The following MTMR8 variants were observed in gnomAD, a reference collection of about 807,000 sequenced individuals.
MTMR8 encodes the protein myotubularin related protein 8, also known as phosphatidylinositol-3,5-bisphosphate 3-phosphatase MTMR8.
MTMR8 carries 65 observed loss-of-function variants against 39.3 expected under a neutral mutation model. The observed-to-expected ratio is 1.65, with a 90% confidence interval of 1.35 to 2.03. MTMR8 has a LOEUF of 2.03. MTMR8 is among the 30% of genes most tolerant of loss of function. The pLI is 0.00. For missense variants in MTMR8, 777 were observed against 538.9 expected, an observed-to-expected ratio of 1.44 and a Z score of -4.37; for synonymous variants, 245 against 185.2, an observed-to-expected ratio of 1.32 and a Z score of -2.62.
intron 13 of MTMR8, among the ~76,000 whole-genome samples, chrX:64,270,370 G>A (rs758443417): frequency 1.8e-5 from 2 of 112,110 alleles, no homozygotes; most frequent in Non-Finnish European, 3.8e-5. Context: ...TCTTTTCTAA[G>A]AGGTACCTTT....
In MTMR8 at chrX:64,341,412, G is replaced by A. The variant is rs1385558646; in HGVS notation, c.975+2199C>T. On this transcript the variant is annotated intron_variant, in intron 8 of 13. Coordinates refer to ENST00000374852, the MANE Select transcript of MTMR8 (RefSeq NM_017677.4). ...AAGAATCCCTTGAATCCGGTAGGCG[G>A]AGGTTGCAGTGAACCGAGATCGTGC... Among the ~76,000 whole-genome samples the A allele has an allele frequency of 2.9e-5, 3 of 104,972 alleles. No individual in the cohort carries two copies. In the Admixed American group the frequency reaches 3.1e-4, roughly 11 times the overall value. The allele number at this position is 104,972 out of a possible 115,157, so 91.2% of individuals were successfully genotyped here.
intron 12 of MTMR8, among the ~76,000 whole-genome samples, chrX:64,327,785 T>C (rs1460523999): frequency 1.8e-5 from 2 of 111,515 alleles, no homozygotes; most frequent in African/African-American, 3.3e-5. Flanking sequence ...AACCTAAGTG[T>C]CCATATGGAT....
intron 1 of MTMR8, among the ~76,000 whole-genome samples, chrX:64,386,268 A>T (rs1356140534): frequency 9.0e-6 from 1 of 111,628 alleles, no homozygotes; most frequent in Non-Finnish European, 1.9e-5. Flanking sequence ...CTATAACTAA[A>T]TTTTCTTGTA....
intron 12 of MTMR8, among the ~76,000 whole-genome samples, chrX:64,313,923 C>A (rs183622839): frequency 1.2e-3 from 140 of 112,393 alleles, no homozygotes; most frequent in African/African-American, 4.3e-3. Context: ...TTTCTTCAAT[C>A]TTTGAAGTCA....
intron 3 of MTMR8, among the ~76,000 whole-genome samples, chrX:64,355,594 G>A (rs996327517): frequency 1.8e-5 from 2 of 110,076 alleles, no homozygotes; most frequent in African/African-American, 6.6e-5. Flanking sequence ...GGGAAAAGGG[G>A]AAAAATGGGA....
At chrX:64,285,210 T>G in intron 12 of MTMR8, among the ~76,000 whole-genome samples, 1 of 110,781 alleles carries the variant, frequency 9.0e-6, no homozygotes. Flanking sequence ...TCAACAAAGA[T>G]CAAAAGAGAC....
Position 64,306,304 on chromosome X carries a change from G to A in MTMR8, c.1481+22468C>T, listed in dbSNP as rs780477129. ...TTGGACTGAACTACTGTTTGAGCTTGTTCAGAGGTTCTAGATGCAGTGTTT... is the reference window on the plus strand; with the variant it reads ...TTGGACTGAACTACTGTTTGAGCTTATTCAGAGGTTCTAGATGCAGTGTTT... On this transcript the variant is annotated intron_variant, in intron 12 of 13. Transcript: ENST00000374852. 1.2e-3 allele frequency: 372 copies of A among 303,280 alleles called. 1 individual carries two copies. Among genetic ancestry groups the A allele is most frequent in the Non-Finnish European group, 1.9e-3 (285 of 153,444 alleles). The allele number at this position is 303,280 out of a possible 1,213,427, so 25.0% of individuals were successfully genotyped here.
chrX:64,391,147 A>G (rs1034603220), intron 1 of MTMR8, among the ~76,000 whole-genome samples: 6 of 112,504 alleles, frequency 5.3e-5, no homozygotes, highest in African/African-American at 1.9e-4. Flanking sequence ...AAGCTTTAGT[A>G]GCTCCTTGGC....
chrX:64,282,364 G>A (rs904877140), intron 12 of MTMR8, among the ~76,000 whole-genome samples: 1 of 111,427 alleles, frequency 9.0e-6, no homozygotes, highest in African/African-American at 3.3e-5. Flanking sequence ...CCTGTCAGAA[G>A]GGGTGGGGGT....
chrX:64,393,950 C>T (rs775979447), intron 1 of MTMR8, among the ~76,000 whole-genome samples: 2 of 112,340 alleles, frequency 1.8e-5, no homozygotes, highest in Non-Finnish European at 3.8e-5. Context: ...TCATTATCCT[C>T]ATTTGGTAGG....
chrX:64,271,177 A>C, intron 12 of MTMR8, 104 bp from the exon 13 acceptor site: 1 of 825,962 alleles, frequency 1.2e-6, no homozygotes. Context: ...GTAGGTGGGA[A>C]AATCTCATGA....
chrX:64,300,402 T>G (rs937606428), intron 12 of MTMR8, among the ~76,000 whole-genome samples: 1 of 111,507 alleles, frequency 9.0e-6, no homozygotes, highest in Non-Finnish European at 1.9e-5. Flanking sequence ...TTGCAAACCC[T>G]GCCTTTTTTT....
intron 12 of MTMR8, among the ~76,000 whole-genome samples, chrX:64,292,675 G>C (rs1921439845): frequency 9.0e-6 from 1 of 111,024 alleles, no homozygotes; most frequent in Admixed American, 9.6e-5. Flanking sequence ...AGCAGAAAAT[G>C]CATCATCTTT....
intron 8 of MTMR8, 71 bp downstream of exon 8, chrX:64,343,540 C>T: frequency 3.2e-6 from 2 of 627,450 alleles, no homozygotes. Flanking sequence ...TTCTTTCCAC[C>T]ATGGCACACT....
chrX:64,357,080 G>A (rs998565800), intron 2 of MTMR8, among the ~76,000 whole-genome samples: 4 of 112,116 alleles, frequency 3.6e-5, no homozygotes, highest in African/African-American at 1.3e-4. Context: ...TGCATGGAAA[G>A]GGAACTGATG....
At chrX:64,287,625 C>T (rs1275523072) in intron 12 of MTMR8, among the ~76,000 whole-genome samples, 4 of 110,163 alleles carry the variant, frequency 3.6e-5, no homozygotes, top group Admixed American at 9.8e-5. Flanking sequence ...GAGATATAGA[C>T]CAATGGAACA....
chrX:64,336,562 C>T (rs1445341108), intron 9 of MTMR8, among the ~76,000 whole-genome samples: 3 of 110,136 alleles, frequency 2.7e-5, no homozygotes, highest in South Asian at 7.8e-4. Context: ...TTTTGGGAGG[C>T]CGAGGAGGGC....
chrX:64,334,649 C>G (rs1923029224), intron 10 of MTMR8, among the ~76,000 whole-genome samples: 2 of 107,681 alleles, frequency 1.9e-5, no homozygotes, highest in African/African-American at 6.7e-5. Flanking sequence ...GCCTCATTTC[C>G]TCTATTCTCC....
At chrX:64,382,787 AAAC>A (rs1200086189) in intron 1 of MTMR8, among the ~76,000 whole-genome samples, 2 of 111,553 alleles carry the variant, frequency 1.8e-5, no homozygotes, top group Non-Finnish European at 3.8e-5. Flanking sequence ...TTATTTTTAA[AAAC>A]AACAACAAAT....
Sources: allele counts gnomAD v4.1 joint callset (sites outside exome capture counted in the v4.1 genomes callset), GRCh38; gene constraint gnomAD v4.1.1; transcripts MANE v1.5; gene names NCBI Gene and HGNC (gene_info 2026-07-23, HGNC 2026-07-21).